The following DPP4 variants were observed in gnomAD, a reference collection of about 807,000 sequenced individuals.
DPP4 encodes the protein dipeptidyl peptidase 4, also known as ADCP-2.
In DPP4, 93 loss-of-function variants were observed where a neutral mutation model predicts 122.4. The ratio of observed to expected loss-of-function variants is 0.76; its 90% CI spans 0.64 to 0.90. The LOEUF (loss-of-function observed/expected upper bound fraction) is 0.90, where lower values mean the gene tolerates loss of function less well. Ranked by LOEUF, DPP4 falls within the 40% of genes least tolerant of loss-of-function variation. The pLI, the probability that DPP4 is intolerant of heterozygous loss-of-function variation, is 0.00. For missense variants in DPP4, 914 were observed against 907.3 expected (o/e 1.01, Z -0.09); for synonymous variants, 321 against 302.9 (o/e 1.06, Z -0.62).
intron 23 of DPP4, among the ~76,000 whole-genome samples, chr2:162,000,463 A>G (rs997674103): frequency 6.6e-6 from 1 of 152,182 alleles, no homozygotes; most frequent in Admixed American, 6.5e-5. Context: ...ACAGCAGTCA[A>G]CATTTTATCA....
At chr2:162,010,543 T>C (rs1682654949) in intron 20 of DPP4, among the ~76,000 whole-genome samples, 1 of 152,194 alleles carries the variant, frequency 6.6e-6, no homozygotes, top group Non-Finnish European at 1.5e-5. Context: ...TCAATACTTA[T>C]TTAACTGGGG....
intron 8 of DPP4, among the ~76,000 whole-genome samples, chr2:162,036,141 T>A (rs1370962488): frequency 6.6e-6 from 1 of 152,124 alleles, no homozygotes; most frequent in African/African-American, 2.4e-5. Context: ...AATGGAGGAA[T>A]TAAGTGGACT....
rs1011654109 is a variant in DPP4 at position 162,074,167 on chromosome 2, G to C, written c.-186C>G. 31 of 1,276,158 alleles carry C rather than the reference G, an allele frequency of 2.4e-5. No homozygotes were observed. Among genetic ancestry groups the C allele is most frequent in the Non-Finnish European group, 3.0e-5 (30 of 1,013,062 alleles). 79.1% of individuals were successfully genotyped at this position (1,276,158 alleles called of 1,614,324 possible). ...GCTGGGTATAAAGGCGCCGCGGGCA[G>C]GCTGCAGGGCAGGCGGCGCGGGAGC... On this transcript the variant is annotated 5_prime_UTR_variant, in exon 1 of 26. Transcript: ENST00000360534.
intron 23 of DPP4, 119 bp from the exon 24 acceptor site, chr2:161,995,491 C>A: frequency 2.5e-6 from 2 of 814,894 alleles, no homozygotes; most frequent in Non-Finnish European, 4.1e-6. Flanking sequence ...CAAAATATAG[C>A]AAACCGATAT....
chr2:162,051,055 T>G (rs899727807), intron 2 of DPP4, among the ~76,000 whole-genome samples: 6 of 152,208 alleles, frequency 3.9e-5, no homozygotes, highest in Non-Finnish European at 1.5e-5. Flanking sequence ...TTTCAAATCT[T>G]TAATTTAAAA....
intron 18 of DPP4, among the ~76,000 whole-genome samples, chr2:162,016,028 A>G (rs890642930): frequency 2.6e-5 from 4 of 152,188 alleles, no homozygotes; most frequent in Non-Finnish European, 5.9e-5. Context: ...GCACTGATGT[A>G]AACTGTTTTT....
At chr2:162,067,554 T>C (rs928614451) in intron 2 of DPP4, among the ~76,000 whole-genome samples, 1 of 152,226 alleles carries the variant, frequency 6.6e-6, no homozygotes, top group African/African-American at 2.4e-5. Flanking sequence ...TTAAGAAATG[T>C]GCACATTAAT....
intron 2 of DPP4, among the ~76,000 whole-genome samples, chr2:162,072,378 C>T (rs1685147195): frequency 1.3e-5 from 2 of 152,214 alleles, no homozygotes; most frequent in South Asian, 4.1e-4. Context: ...CTTCAAATTT[C>T]ATTAGCAGTA....
intron 2 of DPP4, among the ~76,000 whole-genome samples, chr2:162,052,117 G>A (rs924610510): frequency 4.0e-4 from 61 of 152,034 alleles, no homozygotes; most frequent in African/African-American, 1.4e-3. Context: ...TTGGGAGTTC[G>A]AGACCAGACT....
rs1360358855 is a variant in DPP4, at chr2:162,038,374, G to C, written c.541C>G (p.Pro181Ala). The C allele has an allele frequency of 6.2e-7, 1 of 1,607,824 alleles. No homozygotes were observed. Among genetic ancestry groups the C allele is most frequent in the South Asian group, 1.1e-5 (1 of 90,018 alleles). ...CCCGTCCATGTGATTCTGTAACTTGGTAAATTTGGTTCAATTTTAACATAA... is the reference window on the plus strand; with the variant it reads ...CCCGTCCATGTGATTCTGTAACTTGCTAAATTTGGTTCAATTTTAACATAA... ...DIYVKIEPNL[P>A]SYRITWTGKE... The change falls in exon 8 of 26, where the codon CCA becomes GCA. Residue 181 changes from proline (P) to alanine (A), a missense_variant. By Grantham distance (27) the Pro-to-Ala change is conservative (BLOSUM62 -1). Transcript: ENST00000360534.
chr2:162,022,399 G>C (rs188557531), intron 12 of DPP4, among the ~76,000 whole-genome samples: 12 of 152,304 alleles, frequency 7.9e-5, no homozygotes, highest in Admixed American at 7.8e-4. Context: ...GACAGAACCT[G>C]TGTTTTCTGT....
chr2:162,023,715 A>G (rs1213194593), intron 11 of DPP4, among the ~76,000 whole-genome samples: 1 of 152,138 alleles, frequency 6.6e-6, no homozygotes, highest in East Asian at 1.9e-4. Context: ...TTTAGGGTAC[A>G]ATGAGGTATT....
chr2:162,048,742 A>T (rs1281828637), intron 2 of DPP4, among the ~76,000 whole-genome samples: 4 of 152,108 alleles, frequency 2.6e-5, no homozygotes, highest in Non-Finnish European at 5.9e-5. Context: ...TTGCCCCAAC[A>T]CTACTCATTT....
chr2:162,016,691 T>G, intron 18 of DPP4, 77 bp downstream of exon 18: 2 of 919,632 alleles, frequency 2.2e-6, no homozygotes, highest in Non-Finnish European at 3.2e-6. Flanking sequence ...GAAATACATA[T>G]TTTCAGATCG....
intron 23 of DPP4, among the ~76,000 whole-genome samples, chr2:162,002,124 C>T (rs1174426229): frequency 3.3e-5 from 5 of 152,124 alleles, no homozygotes; most frequent in Non-Finnish European, 2.9e-5. Flanking sequence ...TTGACACAGC[C>T]CTGGAGGTGT....
At chr2:162,060,929 G>GTTCCTAGCTTCCTTCC (rs1684748501) in intron 2 of DPP4, among the ~76,000 whole-genome samples, 1 of 89,404 alleles carries the variant, frequency 1.1e-5, no homozygotes, top group East Asian at 3.8e-4. Context: ...AGCTTCCTTC[G>GTTCCTAGCTTCCTTCC]TTCCTAGCTT....
chr2:162,034,346 T>G (rs1024342745), intron 9 of DPP4, among the ~76,000 whole-genome samples: 1 of 152,220 alleles, frequency 6.6e-6, no homozygotes, highest in Non-Finnish European at 1.5e-5. Flanking sequence ...AAAAATAACA[T>G]TCCACTGAAA....
At chr2:162,019,909 A>T (rs1433378889) in intron 14 of DPP4, among the ~76,000 whole-genome samples, 1 of 152,150 alleles carries the variant, frequency 6.6e-6, no homozygotes, top group Non-Finnish European at 1.5e-5. Context: ...CCTTCCAAAA[A>T]ATCAGTGCCA....
intron 9 of DPP4, among the ~76,000 whole-genome samples, chr2:162,034,506 A>G (rs1683694561): frequency 6.6e-6 from 1 of 152,154 alleles, no homozygotes; most frequent in Admixed American, 6.5e-5. Flanking sequence ...ACACTTTACT[A>G]TTAGATTCTC....
Sources: allele counts gnomAD v4.1 joint callset (sites outside exome capture counted in the v4.1 genomes callset), GRCh38; gene constraint gnomAD v4.1.1; transcripts MANE v1.5; gene names NCBI Gene and HGNC (gene_info 2026-07-23, HGNC 2026-07-21).